Variants in RXFP2 observed in about 807,000 individuals in gnomAD.
RXFP2 encodes relaxin receptor 2.
RXFP2 carries 68 observed loss-of-function variants against 88.6 expected under a neutral mutation model. That is an observed-to-expected ratio of 0.77 (90% CI 0.63 to 0.94). The LOEUF is 0.94. Ranked by LOEUF, RXFP2 falls within the 40% of genes least tolerant of loss-of-function variation. The probability of loss-of-function intolerance (pLI) is 0.00; values close to 1 mark genes in which losing one functional copy is unlikely to be tolerated. For synonymous variants in RXFP2, 329 were observed against 306.8 expected (o/e 1.07, Z -0.76); for missense variants, 791 against 893.9 (o/e 0.88, Z 1.47).
At chr13:31,756,825 T>G (rs1289515134) in intron 1 of RXFP2, among the ~76,000 whole-genome samples, 3 of 152,138 alleles carry the variant, frequency 2.0e-5, no homozygotes, top group Non-Finnish European at 4.4e-5. Context: ...TTCACCATGT[T>G]GGCCAGGCTG....
At chr13:31,801,628 A>G (rs1874349064) in intron 17 of RXFP2, among the ~76,000 whole-genome samples, 1 of 152,152 alleles carries the variant, frequency 6.6e-6, no homozygotes, top group Non-Finnish European at 1.5e-5. Context: ...AGAGAATTTC[A>G]TCAAGTTTAG....
At chr13:31,783,004 G>T (rs1000527221) in intron 11 of RXFP2, among the ~76,000 whole-genome samples, 1 of 152,070 alleles carries the variant, frequency 6.6e-6, no homozygotes, top group Non-Finnish European at 1.5e-5. Context: ...TGTGTGTTTG[G>T]GAGTAAATGA....
chr13:31,760,856 A>G (rs1480185137), intron 2 of RXFP2, among the ~76,000 whole-genome samples: 1 of 152,232 alleles, frequency 6.6e-6, no homozygotes, highest in Non-Finnish European at 1.5e-5. Flanking sequence ...TGATTTACCA[A>G]AAGGAAGAGG....
At chr13:31,796,638 A>G in intron 16 of RXFP2, among the ~76,000 whole-genome samples, 1 of 152,144 alleles carries the variant, frequency 6.6e-6, no homozygotes, top group Non-Finnish European at 1.5e-5. Context: ...ATAAGGGTTT[A>G]TGTATTTGAA....
chr13:31,766,949 G>C (rs1373312603), intron 5 of RXFP2, among the ~76,000 whole-genome samples: 1 of 152,146 alleles, frequency 6.6e-6, no homozygotes, highest in Non-Finnish European at 1.5e-5. Flanking sequence ...ATGATCATTA[G>C]ACTAGATAAC....
At chr13:31,772,002 A>C (rs1443310320) in intron 5 of RXFP2, among the ~76,000 whole-genome samples, 3 of 92,952 alleles carry the variant, frequency 3.2e-5, no homozygotes, top group Admixed American at 2.9e-4. Context: ...TAATTGCCAG[A>C]TGAATGTGTT....
chr13:31,785,098 A>T (rs1873467053), intron 11 of RXFP2, among the ~76,000 whole-genome samples: 1 of 152,134 alleles, frequency 6.6e-6, no homozygotes, highest in African/African-American at 2.4e-5. Flanking sequence ...GAAGAATCAC[A>T]TGGGATATTG....
chr13:31,779,270 C>G (rs1873151178), intron 9 of RXFP2, among the ~76,000 whole-genome samples: 1 of 151,972 alleles, frequency 6.6e-6, no homozygotes, highest in South Asian at 2.1e-4. Context: ...GGATTACAGG[C>G]ATGCACCACC....
chr13:31,746,271 C>A (rs1042688352), intron 1 of RXFP2, among the ~76,000 whole-genome samples: 1 of 151,926 alleles, frequency 6.6e-6, no homozygotes, highest in Non-Finnish European at 1.5e-5. Flanking sequence ...GCTTTTTTTT[C>A]TTTGAGATGC....
Position 31,792,738 on chromosome 13 carries a change from G to T in RXFP2, c.1436G>T (p.Arg479Leu). The change falls in exon 16 of 18, where the codon CGA (arginine) becomes CTA (leucine). Residue 479 changes from arginine (R) to leucine (L), a missense_variant. Arg to Leu is a moderately radical substitution (Grantham distance 102). Coordinates refer to ENST00000298386, the MANE Select transcript of RXFP2 (RefSeq NM_130806.5). ...GTTGGCATTTTCGATATAAAATACCGAGGGCAGTATCAGAAGTATGCCTTG... is the reference window on the plus strand; with the variant it reads ...GTTGGCATTTTCGATATAAAATACCTAGGGCAGTATCAGAAGTATGCCTTG... ...FFVGIFDIKY[R>L]GQYQKYALLW... is the part of the protein sequence containing the mutation. The T allele has an allele frequency of 1.2e-6, 2 of 1,614,058 alleles. No individual in the cohort carries two copies. The highest frequency in any genetic ancestry group is 1.1e-5 in the South Asian group (1 of 91,064).
At chr13:31,778,631 A>C in intron 9 of RXFP2, 48 bp downstream of exon 9, 1 of 1,272,370 alleles carries the variant, frequency 7.9e-7, no homozygotes, top group Non-Finnish European at 1.2e-6. Flanking sequence ...TGATTAAGGA[A>C]ACTAGCCATA....
At position 31,802,462 on chromosome 13, in the gene RXFP2, T is replaced by C; in HGVS notation, c.*57T>C. 1 of 1,567,756 alleles carries C rather than the reference T, an allele frequency of 6.4e-7. No individual in the cohort carries two copies. Among genetic ancestry groups the C allele is most frequent in the South Asian group, 1.1e-5 (1 of 89,632 alleles). On this transcript the variant is annotated 3_prime_UTR_variant, in exon 18 of 18. Coordinates refer to ENST00000298386, the MANE Select transcript of RXFP2 (RefSeq NM_130806.5). ...ACTACCTAAAACAGGGGACAGCTTT[T>C]GGAAGATGACATCTGCAATGCTTTT...
intron 2 of RXFP2, among the ~76,000 whole-genome samples, chr13:31,759,422 A>AAAG (rs1872178838): frequency 2.0e-5 from 3 of 150,358 alleles, no homozygotes; most frequent in East Asian, 2.0e-4. Flanking sequence ...AGAAAGAAAG[A>AAAG]AAGAAAGAAA....
intron 11 of RXFP2, among the ~76,000 whole-genome samples, chr13:31,786,029 G>A (rs1042751548): frequency 1.3e-5 from 2 of 152,190 alleles, no homozygotes; most frequent in African/African-American, 4.8e-5. Flanking sequence ...AAGAGACCAC[G>A]TATATGAAGC....
chr13:31,744,948 C>T (rs907235503), intron 1 of RXFP2, among the ~76,000 whole-genome samples: 12 of 152,044 alleles, frequency 7.9e-5, no homozygotes, highest in Admixed American at 2.0e-4. Context: ...GTGGGCAGAT[C>T]GCCTGAGGTC....
In RXFP2 at chr13:31,792,997, C is replaced by G. The variant is rs200517302; in HGVS notation, c.1695C>G (p.Asn565Lys). 3.7e-6 allele frequency: 6 copies of G among 1,613,878 alleles called. No individual in the cohort carries two copies. The African/African-American group carries it at 6.7e-5, about 18-fold the overall frequency. The stretch of plus-strand genomic sequence containing the variant: ...TTTGGAATAAGGATTATTTTGGAAA[C>G]TTTTATGGGAAAAATGGAGTATGTT... ...IPFWNKDYFG[N>K]FYGKNGVCFP... Residue 565 changes from asparagine to lysine, a missense_variant, in exon 16 of 18, where the codon AAC becomes AAG. Coordinates refer to ENST00000298386, the MANE Select transcript of RXFP2 (RefSeq NM_130806.5).
At chr13:31,798,861 G>C (rs571654045) in intron 17 of RXFP2, among the ~76,000 whole-genome samples, 6 of 151,986 alleles carry the variant, frequency 3.9e-5, no homozygotes, top group Non-Finnish European at 8.8e-5. Context: ...ATCCTCCAAG[G>C]CTCAACCCAA....
chr13:31,768,273 A>G (rs1244608310), intron 5 of RXFP2, among the ~76,000 whole-genome samples: 1 of 152,206 alleles, frequency 6.6e-6, no homozygotes, highest in Non-Finnish European at 1.5e-5. Context: ...TAATTTTCCC[A>G]GAGACTAATA....
chr13:31,764,720 A>C (rs1288609604), intron 3 of RXFP2, among the ~76,000 whole-genome samples: 1 of 152,220 alleles, frequency 6.6e-6, no homozygotes, highest in Non-Finnish European at 1.5e-5. Flanking sequence ...TCAATCATAC[A>C]AATGTTTTTC....
Sources: gnomAD v4.1 joint callset for allele counts (sites outside exome capture counted in the v4.1 genomes callset) on GRCh38, gnomAD v4.1.1 for gene constraint, MANE v1.5 for transcripts, NCBI Gene and HGNC (gene_info 2026-07-23, HGNC 2026-07-21) for gene names.